The following DEPDC5 variants were observed in gnomAD, a reference collection of about 807,000 sequenced individuals.
DEPDC5 encodes the protein DEP domain containing 5, GATOR1 subcomplex subunit, also known as GATOR1 complex protein DEPDC5.
A neutral mutation model predicts 217.3 loss-of-function variants in DEPDC5; 73 were observed. That is an observed-to-expected ratio of 0.34 (90% CI 0.28 to 0.41). The LOEUF (loss-of-function observed/expected upper bound fraction) is 0.41, where lower values mean the gene tolerates loss of function less well. Among genes scored for constraint, DEPDC5 ranks in the 10% least tolerant of loss-of-function variants. The pLI is 1.00. For synonymous variants in DEPDC5, 733 were observed against 756.7 expected, an observed-to-expected ratio of 0.97 and a Z score of 0.51; for missense variants, 1,675 against 2,070.1, an observed-to-expected ratio of 0.81 and a Z score of 3.70.
chr22:31,826,018 C>G (rs535672773), intron 24 of DEPDC5, among the ~76,000 whole-genome samples: 1 of 146,818 alleles, frequency 6.8e-6, no homozygotes, highest in African/African-American at 2.5e-5. Flanking sequence ...TTTTTTTTTT[C>G]TTTTTTGAGG....
At chr22:31,786,445 AGG>A (rs1003368651) in intron 10 of DEPDC5, among the ~76,000 whole-genome samples, 16 of 144,216 alleles carry the variant, frequency 1.1e-4, no homozygotes, top group East Asian at 8.0e-4. Context: ...AAAAAAAAAA[AGG>A]GAAAAAATTT....
intron 18 of DEPDC5, among the ~76,000 whole-genome samples, chr22:31,807,964 T>C (rs1466719315): frequency 6.6e-6 from 1 of 152,102 alleles, no homozygotes; most frequent in Non-Finnish European, 1.5e-5. Flanking sequence ...TTTGGAGCAA[T>C]CTGAGGACTC....
chr22:31,815,058 T>G lies in DEPDC5; in HGVS notation c.1512T>G (p.Pro504=), dbSNP rs1159147035. ...GCTCCTGTGATGTTTCATCCAGCCCTTCCCTACCAAGCCGCACACTGCCCA... is the reference window on the plus strand; with the variant it reads ...GCTCCTGTGATGTTTCATCCAGCCCGTCCCTACCAAGCCGCACACTGCCCA... ...SASSCDVSSS[P]SLPSRTLPTE... The change falls in exon 21 of 43, where the codon CCT becomes CCG. Residue 504 remains proline (P), a synonymous_variant. Coordinates refer to ENST00000651528, the MANE Select transcript of DEPDC5 (RefSeq NM_001242896.3). 1 of 1,614,068 alleles carries G rather than the reference T, an allele frequency of 6.2e-7. No homozygotes were observed. The highest frequency in any genetic ancestry group is 8.5e-7 in the Non-Finnish European group (1 of 1,180,042).
chr22:31,879,043 A>AAAT lies in DEPDC5; in HGVS notation c.3806-481_3806-480insATA, dbSNP rs763615141. Among the ~76,000 whole-genome samples the AAAT allele has an allele frequency of 4.4e-3, 526 of 119,382 alleles. 6 individuals are homozygous for AAAT. Among genetic ancestry groups the AAAT allele is most frequent in the South Asian group, 0.028 (97 of 3,498 alleles). The allele number at this position is 119,382 out of a possible 152,430, so 78.3% of individuals were successfully genotyped here. A position where few individuals can be genotyped will look rare whatever the true frequency, so the allele number is the denominator to read the frequency against. On this transcript the variant is annotated intron_variant, in intron 37 of 42. Coordinates refer to ENST00000651528, the MANE Select transcript of DEPDC5 (RefSeq NM_001242896.3). ...AGACTCCGTCTCAAAAAAAAAAAAA[A>AAAT]ATATATATATATATATATATATATA...
Position 31,768,927 on chromosome 22 carries a change from G to C in DEPDC5, c.413+64G>C. The C allele has an allele frequency of 2.6e-6, 4 of 1,564,544 alleles. No individual in the cohort carries two copies. In the South Asian group the frequency reaches 3.4e-5, roughly 13 times the overall value. ...CTGGGCTACATAAAGCAGTGGAGGC[G>C]TATGGATGTCCATATAATAAAATGT... On this transcript the variant is annotated intron_variant, in intron 7 of 42. Transcript: ENST00000651528.
At chr22:31,802,641 G>C in intron 14 of DEPDC5, 63 bp from the exon 15 acceptor site, 5 of 1,446,058 alleles carry the variant, frequency 3.5e-6, no homozygotes, top group Non-Finnish European at 4.6e-6. Flanking sequence ...AGAGATGCTT[G>C]TCTGTGACAG....
chr22:31,837,723 A>G (rs1480419358), intron 26 of DEPDC5, among the ~76,000 whole-genome samples: 2 of 150,946 alleles, frequency 1.3e-5, no homozygotes, highest in Non-Finnish European at 3.0e-5. Context: ...TTTTTTTGAG[A>G]CAGAGTCTCA....
At chr22:31,801,107 A>G (rs930725872) in intron 14 of DEPDC5, among the ~76,000 whole-genome samples, 1 of 152,002 alleles carries the variant, frequency 6.6e-6, no homozygotes, top group Non-Finnish European at 1.5e-5. Flanking sequence ...AGCCTGGCCA[A>G]CATGGCGAAA....
chr22:31,815,388 T>C lies in DEPDC5; in HGVS notation c.1666+176T>C, dbSNP rs770538431. 78 of 223,858 alleles carry C rather than the reference T, an allele frequency of 3.5e-4. No homozygotes were observed. Among genetic ancestry groups the C allele is most frequent in the African/African-American group, 1.1e-3 (43 of 38,698 alleles). 13.9% of individuals were successfully genotyped at this position (223,858 alleles called of 1,614,324 possible). ...TAGCTATGTATATATTATACTTCTTTTTTTTTTTTTTTTTTTTTTGGTGAC... is the reference window on the plus strand; with the variant it reads ...TAGCTATGTATATATTATACTTCTTCTTTTTTTTTTTTTTTTTTTGGTGAC... On this transcript the variant is annotated intron_variant, in intron 21 of 42. Coordinates refer to ENST00000651528, the MANE Select transcript of DEPDC5 (RefSeq NM_001242896.3).
intron 21 of DEPDC5, chr22:31,816,386 C>T (rs2089127543): frequency 6.6e-6 from 1 of 151,168 alleles, no homozygotes; most frequent in Non-Finnish European, 1.5e-5. Context: ...AATTTATTCC[C>T]ATACTATCAG....
chr22:31,870,998 G>A (rs1033647025), intron 34 of DEPDC5, among the ~76,000 whole-genome samples: 3 of 152,224 alleles, frequency 2.0e-5, no homozygotes, highest in African/African-American at 7.2e-5. Context: ...CAGGAGTACA[G>A]GGCTTCCGGA....
At chr22:31,854,834 A>G (rs2092206808) in intron 31 of DEPDC5, among the ~76,000 whole-genome samples, 1 of 152,234 alleles carries the variant, frequency 6.6e-6, no homozygotes, top group East Asian at 1.9e-4. Context: ...TTACAGGGCT[A>G]AAGAGCTACT....
chr22:31,762,849 C>T (rs762164579), intron 4 of DEPDC5, among the ~76,000 whole-genome samples: 5 of 152,032 alleles, frequency 3.3e-5, no homozygotes, highest in Non-Finnish European at 5.9e-5. Flanking sequence ...ACTCTGTTGC[C>T]CAGGCTGGAG....
intron 24 of DEPDC5, among the ~76,000 whole-genome samples, chr22:31,831,623 G>A (rs1296207722): frequency 6.6e-6 from 1 of 151,974 alleles, no homozygotes; most frequent in Non-Finnish European, 1.5e-5. Flanking sequence ...ACCATGCCAG[G>A]CTAATTTTTG....
chr22:31,773,713 G>A (rs931724049), intron 7 of DEPDC5, among the ~76,000 whole-genome samples: 4 of 152,192 alleles, frequency 2.6e-5, no homozygotes, highest in Non-Finnish European at 4.4e-5. Flanking sequence ...TATAGTTAAA[G>A]TCATTACAAA....
At chr22:31,868,091 T>G (rs186990132) in intron 33 of DEPDC5, among the ~76,000 whole-genome samples, 1 of 152,210 alleles carries the variant, frequency 6.6e-6, no homozygotes, top group African/African-American at 2.4e-5. Context: ...TGCATTTCTC[T>G]GTGTGTTTAT....
intron 38 of DEPDC5, among the ~76,000 whole-genome samples, chr22:31,885,238 C>T (rs1012279794): frequency 6.6e-6 from 1 of 152,162 alleles, no homozygotes; most frequent in African/African-American, 2.4e-5. Context: ...GGATGTGGTC[C>T]CCTCATTCTC....
intron 36 of DEPDC5, 23 bp downstream of exon 36, chr22:31,874,428 T>C (rs773195886): frequency 6.3e-7 from 1 of 1,594,142 alleles, no homozygotes; most frequent in Admixed American, 1.8e-5. Flanking sequence ...GAGGGGCCCA[T>C]AGAGCTGTTT....
At chr22:31,784,636 AG>A in intron 9 of DEPDC5, 177 bp from the exon 10 acceptor site, 7 of 461,144 alleles carry the variant, frequency 1.5e-5, no homozygotes, top group South Asian at 8.5e-5. Flanking sequence ...AAAAAAAAAA[AG>A]ATGTACAAAA....
Sources: allele counts gnomAD v4.1 joint callset (sites outside exome capture counted in the v4.1 genomes callset), GRCh38; gene constraint gnomAD v4.1.1; transcripts MANE v1.5; gene names NCBI Gene and HGNC (gene_info 2026-07-23, HGNC 2026-07-21).